The following CTNNA3 variants were observed in gnomAD, a reference collection of about 807,000 sequenced individuals.
CTNNA3 encodes catenin alpha 3.
CTNNA3 carries 76 observed loss-of-function variants against 95.7 expected under a neutral mutation model. That is an observed-to-expected ratio of 0.79 (90% CI 0.66 to 0.96). CTNNA3 has a LOEUF of 0.96. Ranked by LOEUF, CTNNA3 falls within the 40% of genes least tolerant of loss-of-function variation. CTNNA3 has a pLI of 0.00. For synonymous variants in CTNNA3, 431 were observed against 374.4 expected (o/e 1.15, Z -1.74); for missense variants, 1,191 against 1,089.8 (o/e 1.09, Z -1.31).
chr10:65,937,953 T>A (rs148434578), intron 17 of CTNNA3, among the ~76,000 whole-genome samples: 1 of 152,272 alleles, frequency 6.6e-6, no homozygotes, highest in East Asian at 1.9e-4. Flanking sequence ...TGGACTGCCC[T>A]GTCCTATATC....
intron 3 of CTNNA3, among the ~76,000 whole-genome samples, chr10:67,587,025 G>C (rs1185112960): frequency 6.6e-6 from 1 of 151,742 alleles, no homozygotes; most frequent in Non-Finnish European, 1.5e-5. Context: ...TTCAAGTTTA[G>C]TACTCTCTTT....
chr10:66,706,357 C>CT (rs68017483), intron 9 of CTNNA3, among the ~76,000 whole-genome samples: 4,600 of 144,354 alleles, frequency 0.032, 136 homozygotes, highest in East Asian at 0.16. Flanking sequence ...GATAGCTTAT[C>CT]TTTTTTTTTT....
At chr10:67,136,334 A>G (rs996703114) in intron 7 of CTNNA3, among the ~76,000 whole-genome samples, 2 of 152,114 alleles carry the variant, frequency 1.3e-5, no homozygotes, top group African/African-American at 4.8e-5. Context: ...AAAAGCAGAG[A>G]GTGTTGCTGC....
intron 5 of CTNNA3, among the ~76,000 whole-genome samples, chr10:67,369,087 C>T (rs1843320447): frequency 3.3e-5 from 5 of 152,090 alleles, no homozygotes; most frequent in Admixed American, 3.3e-4. Context: ...CACAGCAAAA[C>T]CCTGTCACTA....
At chr10:66,165,511 T>C (rs1005170404) in intron 13 of CTNNA3, among the ~76,000 whole-genome samples, 1 of 152,016 alleles carries the variant, frequency 6.6e-6, no homozygotes, top group African/African-American at 2.4e-5. Context: ...GAAAATAGTA[T>C]GTGCTAAATA....
At chr10:66,851,983 T>C (rs1843514963) in intron 7 of CTNNA3, among the ~76,000 whole-genome samples, 1 of 151,996 alleles carries the variant, frequency 6.6e-6, no homozygotes, top group South Asian at 2.1e-4. Context: ...AAGACAACAA[T>C]GGGATGAAGT....
At chr10:67,727,203 A>G (rs1318683151) in intron 1 of CTNNA3, among the ~76,000 whole-genome samples, 1 of 127,006 alleles carries the variant, frequency 7.9e-6, no homozygotes. Context: ...GTGTATATAT[A>G]CCTATATGTA....
chr10:65,959,794 C>G (rs948713572), intron 17 of CTNNA3, among the ~76,000 whole-genome samples: 3 of 152,042 alleles, frequency 2.0e-5, no homozygotes, highest in Non-Finnish European at 2.9e-5. Flanking sequence ...GGGATTACAG[C>G]CCTGAGCCAC....
chr10:67,222,795 A>G (rs559065235), intron 5 of CTNNA3, among the ~76,000 whole-genome samples: 1 of 152,224 alleles, frequency 6.6e-6, no homozygotes, highest in Non-Finnish European at 1.5e-5. Context: ...TGACCTATAC[A>G]TTATGCTTCT....
In CTNNA3 at chr10:66,619,483, T is replaced by G. The variant is rs9664878; in HGVS notation, c.1374+2209A>C. Reference sequence around the variant, plus strand: ...AGGACAAAAAAAACAAACACCGCATTTTCTCACTCACAGGTGGGAATTGAA... The same window carrying G: ...AGGACAAAAAAAACAAACACCGCATGTTCTCACTCACAGGTGGGAATTGAA... On this transcript the variant is annotated intron_variant, in intron 10 of 17. Transcript: ENST00000433211. Among the ~76,000 whole-genome samples, 23 of 104,200 alleles carry G rather than the reference T, an allele frequency of 2.2e-4. 2 individuals carry two copies. Among genetic ancestry groups the G allele is most frequent in the Middle Eastern group, 6.9e-3 (1 of 144 alleles). The allele number at this position is 104,200 out of a possible 152,430, so 68.4% of individuals were successfully genotyped here. A position where few individuals can be genotyped will look rare whatever the true frequency, so the allele number is the denominator to read the frequency against.
intron 14 of CTNNA3, among the ~76,000 whole-genome samples, chr10:66,102,483 T>C (rs1429199820): frequency 2.6e-5 from 4 of 152,200 alleles, no homozygotes; most frequent in African/African-American, 9.6e-5. Flanking sequence ...AGGTGGCAGA[T>C]GCACATGCAT....
At chr10:67,065,013 A>G (rs2251000) in intron 7 of CTNNA3, among the ~76,000 whole-genome samples, 95,782 of 151,972 alleles carry the variant, frequency 0.63, 31,383 homozygotes, top group African/African-American at 0.82. Context: ...GCTTCCATAT[A>G]CCACCAACAC....
chr10:67,700,856 G>A (rs997294203), upstream of CTNNA3, among the ~76,000 whole-genome samples: 1 of 152,100 alleles, frequency 6.6e-6, no homozygotes, highest in Non-Finnish European at 1.5e-5. Context: ...CAAACCAAAG[G>A]CAAAGAAGTT....
chr10:66,263,930 T>C (rs7906500), intron 13 of CTNNA3, among the ~76,000 whole-genome samples: 23,227 of 151,968 alleles, frequency 0.15, 1,928 homozygotes, highest in East Asian at 0.28. Flanking sequence ...AGACAGCCGT[T>C]TCTCGGTTTT....
chr10:67,177,821 T>G (rs980008318), intron 7 of CTNNA3, among the ~76,000 whole-genome samples: 1 of 152,202 alleles, frequency 6.6e-6, no homozygotes, highest in Non-Finnish European at 1.5e-5. Context: ...TTAATTACAC[T>G]TAATTACAAT....
At chr10:66,002,321 A>G (rs1186706203) in intron 15 of CTNNA3, among the ~76,000 whole-genome samples, 3 of 152,162 alleles carry the variant, frequency 2.0e-5, no homozygotes, top group Non-Finnish European at 4.4e-5. Context: ...TGAGGACCCT[A>G]TAAAAGTCCT....
At chr10:66,264,891 T>C (rs971069788) in intron 13 of CTNNA3, among the ~76,000 whole-genome samples, 58 of 152,150 alleles carry the variant, frequency 3.8e-4, no homozygotes, top group African/African-American at 1.4e-3. Flanking sequence ...TTCCTGCTCC[T>C]GTGTTAATAA....
At chr10:66,216,833 T>C (rs544331625) in intron 13 of CTNNA3, among the ~76,000 whole-genome samples, 3 of 152,298 alleles carry the variant, frequency 2.0e-5, no homozygotes, top group East Asian at 1.9e-4. Context: ...TACCAGGAAG[T>C]TGTCATTGGT....
chr10:67,201,154 C>T (rs1002942194), intron 6 of CTNNA3, among the ~76,000 whole-genome samples: 2 of 152,194 alleles, frequency 1.3e-5, no homozygotes, highest in Non-Finnish European at 2.9e-5. Flanking sequence ...TTGTCAGACT[C>T]ATTCTAGGCA....
Sources: gnomAD v4.1 joint callset for allele counts (sites outside exome capture counted in the v4.1 genomes callset) on GRCh38, gnomAD v4.1.1 for gene constraint, MANE v1.5 for transcripts, NCBI Gene and HGNC (gene_info 2026-07-23, HGNC 2026-07-21) for gene names.